The following ST3GAL3 variants were observed in gnomAD, a reference collection of about 807,000 sequenced individuals.
ST3GAL3 encodes ST3 beta-galactoside alpha-2,3-sialyltransferase 3.
ST3GAL3 carries 21 observed loss-of-function variants against 50.1 expected under a neutral mutation model. The observed-to-expected ratio is 0.42, with a 90% CI of 0.30 to 0.60. The LOEUF (loss-of-function observed/expected upper bound fraction) is 0.60, where lower values mean the gene tolerates loss of function less well. ST3GAL3 is among the 20% of genes least tolerant of loss of function. ST3GAL3 has a pLI of 0.19. For missense variants in ST3GAL3, 353 were observed against 489.4 expected (o/e 0.72, Z 2.63); for synonymous variants, 183 against 190.0 (o/e 0.96, Z 0.30).
chr1:43,738,651 C>T (rs1160654371), intron 2 of ST3GAL3: 1 of 152,140 alleles, frequency 6.6e-6, no homozygotes, highest in Non-Finnish European at 1.5e-5. Flanking sequence ...ACTCACACCA[C>T]CATTCCTGGC....
chr1:43,709,415 G>GTC (rs1322798732), intron 1 of ST3GAL3: 1 of 151,810 alleles, frequency 6.6e-6, no homozygotes, highest in Non-Finnish European at 1.5e-5. Flanking sequence ...TTGAGACAGG[G>GTC]TCTCCCTCTG....
intron 9 of ST3GAL3, among the ~76,000 whole-genome samples, chr1:43,902,710 G>A (rs2078493152): frequency 6.6e-6 from 1 of 152,244 alleles, no homozygotes; most frequent in Admixed American, 6.5e-5. Context: ...GGAAGCTGAG[G>A]CTTGGAGGAA....
At chr1:43,847,958 T>C (rs767628625) in intron 5 of ST3GAL3, among the ~76,000 whole-genome samples, 35 of 152,210 alleles carry the variant, frequency 2.3e-4, no homozygotes, top group Non-Finnish European at 4.3e-4. Flanking sequence ...TAACATTTCT[T>C]GTGGGGCAGG....
At chr1:43,748,423 AT>A (rs1215322512) in intron 2 of ST3GAL3, among the ~76,000 whole-genome samples, 4,457 of 111,054 alleles carry the variant, frequency 0.04, 45 homozygotes, top group African/African-American at 0.1. Context: ...AACAGCCCCC[AT>A]TTTTTTTTTT....
At chr1:43,888,625 T>A (rs2076291190) in intron 5 of ST3GAL3, among the ~76,000 whole-genome samples, 1 of 152,142 alleles carries the variant, frequency 6.6e-6, no homozygotes, top group African/African-American at 2.4e-5. Context: ...GAATAAAGTT[T>A]ATAGAAAAAG....
At chr1:43,812,876 CGT>C (rs778683816) in intron 3 of ST3GAL3, among the ~76,000 whole-genome samples, 146 of 135,144 alleles carry the variant, frequency 1.1e-3, no homozygotes, top group African/African-American at 3.4e-3. Flanking sequence ...GCAGTGTGTG[CGT>C]GTGTGTGTGT....
intron 3 of ST3GAL3, among the ~76,000 whole-genome samples, chr1:43,813,891 A>ACGCG (rs1558417134): frequency 1.3e-4 from 6 of 44,578 alleles, no homozygotes; most frequent in South Asian, 8.7e-4. Flanking sequence ...ACACACACAC[A>ACGCG]CACGCACACA....
chr1:43,863,288 T>C (rs2070461208), intron 5 of ST3GAL3, among the ~76,000 whole-genome samples: 3 of 152,130 alleles, frequency 2.0e-5, no homozygotes, highest in Admixed American at 2.0e-4. Context: ...TTGCTAAGTG[T>C]GGGGCTGTGG....
At chr1:43,745,250 T>C (rs1268053915) in intron 2 of ST3GAL3, among the ~76,000 whole-genome samples, 2 of 152,184 alleles carry the variant, frequency 1.3e-5, no homozygotes, top group Admixed American at 6.5e-5. Flanking sequence ...TTTGGACATA[T>C]GTAGAGGTAA....
At chr1:43,828,600 A>C (rs539232221) in intron 4 of ST3GAL3, among the ~76,000 whole-genome samples, 4 of 152,254 alleles carry the variant, frequency 2.6e-5, no homozygotes, top group African/African-American at 9.6e-5. Context: ...CCAAAAAGAC[A>C]CCCTTTCCAG....
At chr1:43,750,834 C>G (rs1685758115) in intron 2 of ST3GAL3, among the ~76,000 whole-genome samples, 1 of 151,958 alleles carries the variant, frequency 6.6e-6, no homozygotes, top group South Asian at 2.1e-4. Context: ...TGTGCTCACG[C>G]CTCTGCACTC....
chr1:43,719,279 C>T, intron 1 of ST3GAL3, among the ~76,000 whole-genome samples: 1 of 152,206 alleles, frequency 6.6e-6, no homozygotes, highest in East Asian at 1.9e-4. Context: ...TTAACATCAT[C>T]AGCCTTCAGG....
At chr1:43,768,326 G>T (rs1202255408) in intron 2 of ST3GAL3, among the ~76,000 whole-genome samples, 2 of 152,118 alleles carry the variant, frequency 1.3e-5, no homozygotes, top group Non-Finnish European at 2.9e-5. Context: ...TGCAGTCCTA[G>T]CTACTCCAGG....
chr1:43,770,248 AG>A (rs1216663291), intron 2 of ST3GAL3, among the ~76,000 whole-genome samples: 1,479 of 68,942 alleles, frequency 0.021, 43 homozygotes, highest in African/African-American at 0.077. Context: ...AGGAGAGGGG[AG>A]GGGAGGAGAG....
intron 1 of ST3GAL3, among the ~76,000 whole-genome samples, chr1:43,715,487 G>A (rs562780482): frequency 6.6e-6 from 1 of 151,680 alleles, no homozygotes; most frequent in Non-Finnish European, 1.5e-5. Flanking sequence ...GAGGTGGGAG[G>A]ATTGCCTGAG....
chr1:43,765,760 TGTGTGTGTGTGTGTGTGTGTGTGTGCGC>T (rs1349288480), intron 2 of ST3GAL3, among the ~76,000 whole-genome samples: 1 of 115,776 alleles, frequency 8.6e-6, no homozygotes, highest in South Asian at 2.4e-4. Context: ...TGTCTGTGTG[TGTGTGTGTGTGTGTGTGTGTGTGTGCGC>T]GCGCGCGCGC....
At chr1:43,842,340 A>AG (rs372050202) in intron 5 of ST3GAL3, 2 of 152,098 alleles carry the variant, frequency 1.3e-5, no homozygotes, top group African/African-American at 4.8e-5. Context: ...TTTATGTATT[A>AG]GGCCATTCTT....
chr1:43,715,015 T>A (rs1188663053), intron 1 of ST3GAL3, among the ~76,000 whole-genome samples: 1 of 152,204 alleles, frequency 6.6e-6, no homozygotes, highest in Non-Finnish European at 1.5e-5. Flanking sequence ...GATGTCAGTT[T>A]TTCTTGCAAA....
chr1:43,792,191 A>T (rs1004030847), intron 3 of ST3GAL3, 42 bp downstream of exon 3: 4 of 1,612,994 alleles, frequency 2.5e-6, no homozygotes, highest in Non-Finnish European at 3.4e-6. Context: ...GGCCTTCAAT[A>T]TTAGCCATAT....
Sources: allele counts gnomAD v4.1 joint callset (sites outside exome capture counted in the v4.1 genomes callset), GRCh38; gene constraint gnomAD v4.1.1; transcripts MANE v1.5; gene names NCBI Gene and HGNC (gene_info 2026-07-23, HGNC 2026-07-21).